SNX18: variants seen among roughly 807,000 people sequenced by gnomAD.
SNX18 encodes sorting nexin-18.
Under a neutral mutation model 48.7 loss-of-function variants are expected in SNX18, and 35 were observed. That is an observed-to-expected ratio of 0.72 (90% CI 0.55 to 0.95). The LOEUF (loss-of-function observed/expected upper bound fraction) is 0.95. Among genes scored for constraint, SNX18 ranks in the 40% least tolerant of loss-of-function variants. The pLI, the probability that SNX18 is intolerant of heterozygous loss-of-function variation, is 0.00. For synonymous variants in SNX18, 492 were observed against 384.7 expected (o/e 1.28, Z -3.26); for missense variants, 824 against 871.0 (o/e 0.95, Z 0.68).
the SNX18 span, among the ~76,000 whole-genome samples, chr5:54,573,708 T>C: frequency 6.6e-6 from 1 of 151,996 alleles, no homozygotes; most frequent in Non-Finnish European, 1.5e-5. Context: ...AGAAGACACA[T>C]CAGGAAGATT....
At chr5:54,584,097 C>A in the SNX18 span, among the ~76,000 whole-genome samples, 6 of 137,886 alleles carry the variant, frequency 4.4e-5, no homozygotes, top group Non-Finnish European at 9.1e-5. Flanking sequence ...GTTGCCCAGG[C>A]TGGAGTGCAG....
the SNX18 span, among the ~76,000 whole-genome samples, chr5:54,568,859 T>G: frequency 3.5e-5 from 2 of 56,456 alleles, no homozygotes; most frequent in Admixed American, 1.8e-4. Flanking sequence ...TTTTTTTTTT[T>G]TGAGACAGGG....
At chr5:54,558,585 A>C in the SNX18 span, among the ~76,000 whole-genome samples, 1 of 152,182 alleles carries the variant, frequency 6.6e-6, no homozygotes, top group African/African-American at 2.4e-5. Context: ...TGGGCCCTTG[A>C]TGATATCATA....
At chr5:54,532,307 C>CTTTTTTTT (rs35717409) in intron 1 of SNX18, among the ~76,000 whole-genome samples, 2 of 137,066 alleles carry the variant, frequency 1.5e-5, no homozygotes, top group African/African-American at 2.7e-5. Context: ...TCTATTGTTG[C>CTTTTTTTT]TTTTTTTTTT....
the SNX18 span, among the ~76,000 whole-genome samples, chr5:54,570,098 G>A: frequency 6.6e-6 from 1 of 152,190 alleles, no homozygotes; most frequent in Non-Finnish European, 1.5e-5. Flanking sequence ...AGGGTATACT[G>A]GAATAGGGTG....
At chr5:54,568,452 C>T in the SNX18 span, among the ~76,000 whole-genome samples, 1 of 152,184 alleles carries the variant, frequency 6.6e-6, no homozygotes, top group Non-Finnish European at 1.5e-5. Context: ...CCCCACATTC[C>T]AGGCCCTCAA....
the SNX18 span, among the ~76,000 whole-genome samples, chr5:54,563,532 A>C: frequency 6.6e-6 from 1 of 152,354 alleles, no homozygotes; most frequent in East Asian, 1.9e-4. Context: ...ATTCTGTCAT[A>C]GTTTGTGTAA....
At chr5:54,548,418 T>G (rs1762607513), downstream of SNX18, among the ~76,000 whole-genome samples, 1 of 152,180 alleles carries the variant, frequency 6.6e-6, no homozygotes, top group Non-Finnish European at 1.5e-5. Flanking sequence ...AGGAAATGGC[T>G]CTCAGGATGG....
the SNX18 span, among the ~76,000 whole-genome samples, chr5:54,564,232 C>T: frequency 2.0e-5 from 3 of 151,910 alleles, no homozygotes; most frequent in African/African-American, 7.3e-5. Flanking sequence ...CACCGTTGCA[C>T]TCCAGCCTGG....
the SNX18 span, among the ~76,000 whole-genome samples, chr5:54,637,836 T>A: frequency 3.0e-3 from 461 of 152,330 alleles, 3 homozygotes; most frequent in African/African-American, 0.011. Flanking sequence ...GGCTTCTCTT[T>A]CACAGCTTTC....
In SNX18 at chr5:54,541,419, A is replaced by G. The variant is rs2111602149; in HGVS notation, c.1622-1760A>G. 1.3e-5 allele frequency among the ~76,000 whole-genome samples: 2 copies of G among 152,336 alleles called. 1 individual carries two copies. The highest frequency in any genetic ancestry group is 4.8e-5 in the African/African-American group (2 of 41,572). Reference sequence around the variant, plus strand: ...AAATGTTTTGCAATAAATTATTATTAATTTTTTATGTTGGGGAGATGTCTT... The same window carrying G: ...AAATGTTTTGCAATAAATTATTATTGATTTTTTATGTTGGGGAGATGTCTT... On this transcript the variant is annotated intron_variant, in intron 1 of 1. Coordinates refer to ENST00000381410, the MANE Select transcript of SNX18 (RefSeq NM_001102575.2).
At chr5:54,593,183 T>C in the SNX18 span, among the ~76,000 whole-genome samples, 4 of 152,342 alleles carry the variant, frequency 2.6e-5, no homozygotes, top group East Asian at 5.8e-4. Context: ...TAAGTGAAAG[T>C]TGCAATTTTC....
chr5:54,553,093 G>A, the SNX18 span, among the ~76,000 whole-genome samples: 1 of 152,116 alleles, frequency 6.6e-6, no homozygotes, highest in Non-Finnish European at 1.5e-5. Context: ...GACTGGTGAG[G>A]AGGAGATGCA....
At chr5:54,561,487 A>G in the SNX18 span, among the ~76,000 whole-genome samples, 4 of 145,220 alleles carry the variant, frequency 2.8e-5, no homozygotes, top group Admixed American at 6.9e-5. Context: ...AGAGGCACAC[A>G]CCGGCACGCC....
intron 1 of SNX18, among the ~76,000 whole-genome samples, chr5:54,529,680 T>C (rs1762219350): frequency 6.6e-6 from 1 of 152,126 alleles, no homozygotes; most frequent in Admixed American, 6.5e-5. Flanking sequence ...CTTAATTCTA[T>C]GCAGGAGTGG....
chr5:54,590,229 G>A, the SNX18 span, among the ~76,000 whole-genome samples: 1 of 152,184 alleles, frequency 6.6e-6, no homozygotes, highest in South Asian at 2.1e-4. Flanking sequence ...TCTGATGCTG[G>A]CTAGTAAGGC....
chr5:54,561,494 C>G, the SNX18 span, among the ~76,000 whole-genome samples: 5 of 148,404 alleles, frequency 3.4e-5, no homozygotes, highest in Non-Finnish European at 5.9e-5. Flanking sequence ...CACACCGGCA[C>G]GCCCAGCTAA....
chr5:54,596,818 C>G, the SNX18 span, among the ~76,000 whole-genome samples: 8 of 152,186 alleles, frequency 5.3e-5, no homozygotes, highest in Non-Finnish European at 8.8e-5. Flanking sequence ...TGGATGTGCC[C>G]CTTTCCCCTC....
the SNX18 span, among the ~76,000 whole-genome samples, chr5:54,572,774 ATTTTTTTTTTTTTTT>A: frequency 2.7e-3 from 103 of 38,398 alleles, no homozygotes; most frequent in African/African-American, 5.5e-3. Context: ...ATATATATAT[ATTTTTTTTTTTTTTT>A]TTTTTTTTTT....
Sources: gnomAD v4.1 joint callset for allele counts (sites outside exome capture counted in the v4.1 genomes callset) on GRCh38, gnomAD v4.1.1 for gene constraint, MANE v1.5 for transcripts, NCBI Gene and HGNC (gene_info 2026-07-23, HGNC 2026-07-21) for gene names.